The following ANKRD11 variants were observed in gnomAD, a reference collection of about 807,000 sequenced individuals.
ANKRD11 encodes ankyrin repeat domain 11.
In ANKRD11, 17 loss-of-function variants were observed where a neutral mutation model predicts 195.7. The ratio of observed to expected loss-of-function variants is 0.09; its 90% CI spans 0.06 to 0.13. The LOEUF is 0.13. Ranked by LOEUF, ANKRD11 falls within the 10% of genes least tolerant of loss-of-function variation. ANKRD11 has a pLI of 1.00. For missense variants in ANKRD11, 3,735 were observed against 3,566.1 expected (o/e 1.05, Z -1.21); for synonymous variants, 1,953 against 1,528.1 (o/e 1.28, Z -6.49).
intron 2 of ANKRD11, among the ~76,000 whole-genome samples, chr16:89,363,023 G>A (rs1023243406): frequency 7.9e-5 from 12 of 151,692 alleles, no homozygotes; most frequent in South Asian, 2.1e-4. Context: ...GTGTACTCTC[G>A]TGGCAAAACT....
chr16:89,306,248 A>T (rs1410025268), intron 3 of ANKRD11, among the ~76,000 whole-genome samples: 5 of 30,154 alleles, frequency 1.7e-4, no homozygotes, highest in Admixed American at 4.1e-4. Flanking sequence ...GCCACCTCCC[A>T]CTCCGCAGAC....
intron 1 of ANKRD11, among the ~76,000 whole-genome samples, chr16:89,456,999 G>A (rs1164983941): frequency 2.8e-5 from 4 of 142,776 alleles, no homozygotes; most frequent in East Asian, 2.0e-4. Flanking sequence ...TCGCTCTGTC[G>A]CCCAGGCTGG....
At chr16:89,369,765 G>T (rs2040113864) in intron 2 of ANKRD11, among the ~76,000 whole-genome samples, 1 of 152,196 alleles carries the variant, frequency 6.6e-6, no homozygotes, top group South Asian at 2.1e-4. Context: ...AGCTGTCTAA[G>T]ACCAGAGGGT....
intron 2 of ANKRD11, among the ~76,000 whole-genome samples, chr16:89,393,850 G>A (rs1160238786): frequency 6.6e-6 from 1 of 152,114 alleles, no homozygotes; most frequent in Non-Finnish European, 1.5e-5. Context: ...GTCAGACAGT[G>A]GGAATAATCA....
At chr16:89,465,523 GC>G (rs1418695605) in intron 1 of ANKRD11, among the ~76,000 whole-genome samples, 1 of 152,100 alleles carries the variant, frequency 6.6e-6, no homozygotes, top group Non-Finnish European at 1.5e-5. Context: ...GCACACATCC[GC>G]GGAAAGCCTG....
At chr16:89,489,076 G>C (rs1311864053) in intron 1 of ANKRD11, 1 of 152,040 alleles carries the variant, frequency 6.6e-6, no homozygotes, top group African/African-American at 2.4e-5. Flanking sequence ...TCTTAATGGG[G>C]CACCAGGAAA....
Position 89,267,759 on chromosome 16 carries a change from GTA to G in ANKRD11, c.*717_*718del, listed in dbSNP as rs1283963801. 1 of 152,196 alleles carries G rather than the reference GTA, an allele frequency of 6.6e-6. No individual in the cohort carries two copies. Among genetic ancestry groups the G allele is most frequent in the Non-Finnish European group, 1.5e-5 (1 of 68,036 alleles). 9.4% of individuals were successfully genotyped at this position (152,196 alleles called of 1,614,324 possible). On this transcript the variant is annotated 3_prime_UTR_variant, in exon 13 of 13. Coordinates refer to ENST00000301030, the MANE Select transcript of ANKRD11 (RefSeq NM_013275.6). Reference sequence around the variant, plus strand: ...AAGGCAGCAAAAGTACATTGTGAAGGTATATAAAACTGTACAGCGTTTACGGA... The same window carrying G: ...AAGGCAGCAAAAGTACATTGTGAAGGTATAAAACTGTACAGCGTTTACGGA...
At chr16:89,451,393 T>A (rs1372772376) in intron 1 of ANKRD11, among the ~76,000 whole-genome samples, 1 of 150,496 alleles carries the variant, frequency 6.6e-6, no homozygotes, top group Non-Finnish European at 1.5e-5. Flanking sequence ...TGGATTATGG[T>A]GATGATTTCA....
chr16:89,487,506 T>G (rs1038625296), intron 1 of ANKRD11, among the ~76,000 whole-genome samples: 1 of 152,222 alleles, frequency 6.6e-6, no homozygotes, highest in Non-Finnish European at 1.5e-5. Context: ...CCGGGCGCGG[T>G]GGCTCACGCC....
chr16:89,387,663 AC>A (rs1315172855), intron 2 of ANKRD11, among the ~76,000 whole-genome samples: 3 of 140,244 alleles, frequency 2.1e-5, no homozygotes, highest in Non-Finnish European at 4.6e-5. Context: ...ACAGAGCGAG[AC>A]TCCATCTCAA....
At chr16:89,429,089 A>AT (rs763766064) in intron 1 of ANKRD11, among the ~76,000 whole-genome samples, 2 of 151,898 alleles carry the variant, frequency 1.3e-5, no homozygotes, top group Non-Finnish European at 1.5e-5. Context: ...GCAGCGTGGG[A>AT]TTCTCAACTC....
Position 89,279,935 on chromosome 16 carries a change from G to A in ANKRD11, c.6607C>T (p.Leu2203Phe), listed in dbSNP as rs776150975. 4.3e-5 allele frequency: 70 copies of A among 1,610,026 alleles called. No homozygotes were observed. Among genetic ancestry groups the A allele is most frequent in the Non-Finnish European group, 5.4e-5 (64 of 1,179,836 alleles). ...DQASTRLPAE[L>F]EPEPSGEPKL... ...GGCTCCCCTGAGGGCTCAGGCTCGA[G>A]CTCTGCAGGGAGCCGGGTGGAGGCC... Residue 2203 changes from leucine (L) to phenylalanine (F), a missense_variant, in exon 9 of 13, where the codon CTC (leucine) becomes TTC (phenylalanine). Physicochemically the swap from Leu to Phe is conservative, Grantham distance 22. Coordinates refer to ENST00000301030, the MANE Select transcript of ANKRD11 (RefSeq NM_013275.6). The surrounding 1 kb of genome is among the most constrained non-coding windows in gnomAD (Gnocchi z 5.6).
intron 1 of ANKRD11, among the ~76,000 whole-genome samples, chr16:89,484,476 AG>A (rs2057542100): frequency 6.6e-6 from 1 of 152,214 alleles, no homozygotes; most frequent in Admixed American, 6.5e-5. Context: ...GTAAAACCTC[AG>A]GAACCAAGCA....
chr16:89,470,825 TAAAAAATACA>T (rs1194919640), intron 1 of ANKRD11, among the ~76,000 whole-genome samples: 1 of 151,686 alleles, frequency 6.6e-6, no homozygotes, highest in Admixed American at 6.6e-5. Flanking sequence ...CCGTCTCTAC[TAAAAAATACA>T]AAAAAAAATT....
rs146618829 is a variant in ANKRD11 at position 89,418,574 on chromosome 16, G to C, written c.-144-206C>G. ...ACCTTTACGTCACAATGCAGCAATT[G>C]CAACAACTTAAAGGTAAATCCAAAG... On this transcript the variant is annotated intron_variant, in intron 1 of 12. Coordinates refer to ENST00000301030, the MANE Select transcript of ANKRD11 (RefSeq NM_013275.6). 1.8e-4 allele frequency: 37 copies of C among 209,358 alleles called. 1 individual carries two copies. The highest frequency in any genetic ancestry group is 2.7e-4 in the Admixed American group (5 of 18,588). The allele number at this position is 209,358 out of a possible 1,614,324, so 13.0% of individuals were successfully genotyped here. A position where few individuals can be genotyped will look rare whatever the true frequency, so the allele number is the denominator to read the frequency against.
intron 2 of ANKRD11, among the ~76,000 whole-genome samples, chr16:89,367,471 T>C (rs1288300779): frequency 6.6e-6 from 1 of 152,074 alleles, no homozygotes; most frequent in Non-Finnish European, 1.5e-5. Context: ...GGAGCGACGC[T>C]CTCAAACAAC....
chr16:89,356,568 G>A (rs1224623657), intron 2 of ANKRD11, among the ~76,000 whole-genome samples: 6 of 149,766 alleles, frequency 4.0e-5, no homozygotes, highest in Admixed American at 2.7e-4. Context: ...TCAGGAGATC[G>A]AGACCATCCT....
chr16:89,318,418 T>C (rs542891455), intron 2 of ANKRD11, among the ~76,000 whole-genome samples: 19 of 152,376 alleles, frequency 1.2e-4, no homozygotes, highest in African/African-American at 4.1e-4. Flanking sequence ...CAAATGGAAC[T>C]GTGTGCACGT....
chr16:89,457,132 TG>T (rs1259675743), intron 1 of ANKRD11, among the ~76,000 whole-genome samples: 10 of 150,582 alleles, frequency 6.6e-5, no homozygotes, highest in African/African-American at 1.9e-4. Flanking sequence ...GCTAATTTTT[TG>T]TATTTTTAGT....
Sources: allele counts gnomAD v4.1 joint callset (sites outside exome capture counted in the v4.1 genomes callset), GRCh38; gene constraint gnomAD v4.1.1; non-coding constraint Gnocchi (gnomAD v3.1); transcripts MANE v1.5; gene names NCBI Gene and HGNC (gene_info 2026-07-23, HGNC 2026-07-21).